SCOC: variants seen among roughly 807,000 people sequenced by gnomAD.
SCOC encodes short coiled-coil protein.
In SCOC, 7 loss-of-function variants were observed where a neutral mutation model predicts 9.9. The ratio of observed to expected loss-of-function variants is 0.71; its 90% CI spans 0.40 to 1.33. The LOEUF (loss-of-function observed/expected upper bound fraction) is 1.33. Among genes scored for constraint, SCOC ranks in the 40% most tolerant of loss-of-function variants. SCOC has a pLI of 0.01. For synonymous variants in SCOC, 19 were observed against 28.2 expected (o/e 0.67, Z 1.03); for missense variants, 66 against 89.7 (o/e 0.74, Z 1.07).
intron 2 of SCOC, among the ~76,000 whole-genome samples, chr4:140,367,153 C>CA (rs964375100): frequency 1.3e-5 from 2 of 151,876 alleles, no homozygotes; most frequent in African/African-American, 2.4e-5. Flanking sequence ...TGCAGTCAGC[C>CA]AAAATCGCAC....
intron 1 of SCOC, among the ~76,000 whole-genome samples, chr4:140,297,428 C>T (rs1731678720): frequency 6.6e-6 from 1 of 152,130 alleles, no homozygotes; most frequent in African/African-American, 2.4e-5. Context: ...TTATCTCTGG[C>T]TACTCCTACT....
chr4:140,369,331 T>C, upstream of SCOC: 1 of 406,562 alleles, frequency 2.5e-6, no homozygotes, highest in Non-Finnish European at 4.8e-6. Flanking sequence ...CAGCATTCAT[T>C]CTCCAATGAA....
chr4:140,290,495 C>T (rs1170126007), intron 1 of SCOC, among the ~76,000 whole-genome samples: 2 of 152,162 alleles, frequency 1.3e-5, no homozygotes, highest in Admixed American at 1.3e-4. Flanking sequence ...GCCTATGTGA[C>T]CTCATGAATT....
At chr4:140,347,763 C>T (rs558732272) in intron 2 of SCOC, among the ~76,000 whole-genome samples, 1 of 152,272 alleles carries the variant, frequency 6.6e-6, no homozygotes, top group African/African-American at 2.4e-5. Flanking sequence ...TTTTCTAAAA[C>T]AAGCTATTGA....
At chr4:140,379,528 C>A in intron 2 of SCOC, 41 bp from the exon 3 acceptor site, 3 of 1,395,808 alleles carry the variant, frequency 2.1e-6, no homozygotes, top group South Asian at 1.2e-5. Flanking sequence ...ACAAATGTAC[C>A]TAATGCTAAT....
At chr4:140,355,228 T>TAG (rs1560716587) in intron 2 of SCOC, among the ~76,000 whole-genome samples, 1 of 128,768 alleles carries the variant, frequency 7.8e-6, no homozygotes, top group South Asian at 2.4e-4. Context: ...TATATATATA[T>TAG]ATATATATAT....
intron 1 of SCOC, among the ~76,000 whole-genome samples, chr4:140,267,956 G>A (rs964859958): frequency 1.3e-5 from 2 of 152,184 alleles, no homozygotes; most frequent in Non-Finnish European, 2.9e-5. Flanking sequence ...GCTAAGGACC[G>A]GCCTGGGGAC....
intron 2 of SCOC, among the ~76,000 whole-genome samples, chr4:140,353,413 CTTTTTTT>C (rs1158574514): frequency 4.8e-5 from 7 of 145,572 alleles, no homozygotes; most frequent in Non-Finnish European, 7.5e-5. Flanking sequence ...TTTTCTTTTT[CTTTTTTT>C]TTTTTTTTTG....
At chr4:140,379,003 T>G in intron 1 of SCOC, 118 bp from the exon 2 acceptor site, 1 of 675,678 alleles carries the variant, frequency 1.5e-6, no homozygotes, top group East Asian at 2.5e-5. Flanking sequence ...ATTTTATTCT[T>G]AGTAAAGCAT....
At chr4:140,366,770 T>G in intron 2 of SCOC, 1 of 1,432,060 alleles carries the variant, frequency 7.0e-7, no homozygotes, top group African/African-American at 1.4e-5. Flanking sequence ...TTTTGATCAA[T>G]AACATCTACA....
intron 1 of SCOC, among the ~76,000 whole-genome samples, chr4:140,316,721 A>G (rs1357172386): frequency 6.6e-6 from 1 of 152,164 alleles, no homozygotes; most frequent in East Asian, 1.9e-4. Context: ...GGGCATGCTG[A>G]ATCCCTCAGA....
intron 1 of SCOC, among the ~76,000 whole-genome samples, chr4:140,262,476 C>T (rs931810828): frequency 6.6e-6 from 1 of 152,210 alleles, no homozygotes; most frequent in African/African-American, 2.4e-5. Flanking sequence ...CTCCAAAACA[C>T]TGCCCTACAG....
intron 1 of SCOC, among the ~76,000 whole-genome samples, chr4:140,293,609 T>C (rs536242048): frequency 1.3e-4 from 20 of 152,322 alleles, no homozygotes; most frequent in Admixed American, 2.6e-4. Context: ...CCATAGTTGC[T>C]GAGTAGAGAA....
chr4:140,375,583 TA>T (rs1170632095), intron 1 of SCOC, among the ~76,000 whole-genome samples: 3 of 152,196 alleles, frequency 2.0e-5, no homozygotes, highest in African/African-American at 7.2e-5. Context: ...TAAAATAAGA[TA>T]GGGGCATATT....
At chr4:140,285,541 C>T (rs1432730668) in intron 1 of SCOC, among the ~76,000 whole-genome samples, 1 of 152,152 alleles carries the variant, frequency 6.6e-6, no homozygotes, top group Non-Finnish European at 1.5e-5. Context: ...TGGTAAAAAG[C>T]TAGGGCATTT....
chr4:140,269,091 A>G (rs1730788166), intron 1 of SCOC, among the ~76,000 whole-genome samples: 2 of 152,182 alleles, frequency 1.3e-5, no homozygotes. Context: ...GCAGAGTACA[A>G]TTATAAAGCC....
At chr4:140,363,345 C>T (rs1727654525) in intron 2 of SCOC, among the ~76,000 whole-genome samples, 1 of 152,134 alleles carries the variant, frequency 6.6e-6, no homozygotes, top group African/African-American at 2.4e-5. Flanking sequence ...CACTTGTATG[C>T]ATTTTTTTCA....
intron 3 of SCOC, among the ~76,000 whole-genome samples, chr4:140,380,194 C>CTTTTT (rs993271002): frequency 1.2e-3 from 130 of 108,384 alleles, no homozygotes; most frequent in Non-Finnish European, 1.4e-3. Flanking sequence ...TTTTCTTTTT[C>CTTTTT]TTTTTTTTTT....
At chr4:140,285,353 T>C (rs1240428262) in intron 1 of SCOC, 5 of 450,184 alleles carry the variant, frequency 1.1e-5, no homozygotes, top group Non-Finnish European at 2.2e-5. Flanking sequence ...AAACAGGTCT[T>C]TGAAAATACC....
Sources: gnomAD v4.1 joint callset for allele counts (sites outside exome capture counted in the v4.1 genomes callset) on GRCh38, gnomAD v4.1.1 for gene constraint, MANE v1.5 for transcripts, NCBI Gene and HGNC (gene_info 2026-07-23, HGNC 2026-07-21) for gene names.